Variants in WDR25 observed in about 807,000 individuals in gnomAD.
The protein encoded by WDR25 is WD repeat-containing protein 25.
In WDR25, 35 loss-of-function variants were observed where a neutral mutation model predicts 47.7. The ratio of observed to expected loss-of-function variants is 0.73; its 90% CI spans 0.56 to 0.97. The LOEUF is 0.97. WDR25 is among the 50% of genes least tolerant of loss of function. The pLI is 0.00. For missense variants in WDR25, 634 were observed against 704.7 expected, an observed-to-expected ratio of 0.90 and a Z score of 1.14; for synonymous variants, 248 against 278.9, an observed-to-expected ratio of 0.89 and a Z score of 1.10.
At chr14:100,405,991 C>G (rs955086256) in intron 2 of WDR25, among the ~76,000 whole-genome samples, 7 of 152,094 alleles carry the variant, frequency 4.6e-5, no homozygotes, top group African/African-American at 1.7e-4. Context: ...GGGTCCAGCT[C>G]AGAATGGAGG....
At chr14:100,471,117 G>C (rs534962343) in intron 3 of WDR25, among the ~76,000 whole-genome samples, 10 of 152,254 alleles carry the variant, frequency 6.6e-5, no homozygotes, top group African/African-American at 2.2e-4. Flanking sequence ...TTGGGGAAGC[G>C]CTGCACACAC....
intron 3 of WDR25, among the ~76,000 whole-genome samples, chr14:100,470,240 C>T (rs1421513584): frequency 6.6e-6 from 1 of 152,064 alleles, no homozygotes; most frequent in Admixed American, 6.5e-5. Context: ...TGCATGGAAA[C>T]CAAAGCAGGA....
chr14:100,495,819 C>G (rs1900711938), intron 4 of WDR25, among the ~76,000 whole-genome samples: 1 of 152,212 alleles, frequency 6.6e-6, no homozygotes, highest in Non-Finnish European at 1.5e-5. Context: ...CTTTTTATGA[C>G]CAAATAATAT....
intron 2 of WDR25, among the ~76,000 whole-genome samples, chr14:100,453,574 C>T (rs1356918981): frequency 6.6e-6 from 1 of 152,196 alleles, no homozygotes; most frequent in Non-Finnish European, 1.5e-5. Flanking sequence ...GATTATGATG[C>T]TTTCAAATGT....
At chr14:100,423,106 G>T (rs1230561958) in intron 2 of WDR25, among the ~76,000 whole-genome samples, 2 of 152,138 alleles carry the variant, frequency 1.3e-5, no homozygotes, top group African/African-American at 4.8e-5. Flanking sequence ...ATTTAAAAAT[G>T]CCCTGAAGCT....
At chr14:100,475,292 A>C (rs150204702) in intron 3 of WDR25, among the ~76,000 whole-genome samples, 2 of 152,334 alleles carry the variant, frequency 1.3e-5, no homozygotes, top group East Asian at 3.9e-4. Context: ...TCTCCAAAGG[A>C]ATTGAAATCG....
intron 4 of WDR25, among the ~76,000 whole-genome samples, chr14:100,511,692 T>C (rs1009588128): frequency 6.6e-6 from 1 of 152,194 alleles, no homozygotes; most frequent in Non-Finnish European, 1.5e-5. Flanking sequence ...TTTCTGATCA[T>C]AGAGGGAAAG....
intron 4 of WDR25, among the ~76,000 whole-genome samples, chr14:100,510,303 G>A (rs1179124122): frequency 6.6e-6 from 1 of 151,418 alleles, no homozygotes; most frequent in Non-Finnish European, 1.5e-5. Flanking sequence ...AGAGACAAGG[G>A]TTTCACTGTG....
In WDR25 at chr14:100,523,184, T is replaced by C. The variant is rs1186082116; in HGVS notation, c.1102-2686T>C. 1.3e-5 allele frequency among the ~76,000 whole-genome samples: 2 copies of C among 152,226 alleles called. No individual in the cohort carries two copies. The highest frequency in any genetic ancestry group is 2.9e-5 in the Non-Finnish European group (2 of 68,034). On this transcript the variant is annotated intron_variant, in intron 4 of 6. Transcript: ENST00000402312. This position sits in a 1 kb window ranked among gnomAD's most constrained non-coding sequence, Gnocchi z 4.7. ...ATTCATTTATGCATTTACTCACTTA[T>C]CCAGCATCAATTTGACACACCTTAC...
chr14:100,484,520 G>A (rs559948144), intron 4 of WDR25, among the ~76,000 whole-genome samples: 3 of 152,006 alleles, frequency 2.0e-5, no homozygotes, highest in South Asian at 2.1e-4. Context: ...GCATGCTTGC[G>A]AGAGGAAGGG....
At chr14:100,511,783 A>G (rs746660828) in intron 4 of WDR25, among the ~76,000 whole-genome samples, 1 of 152,108 alleles carries the variant, frequency 6.6e-6, no homozygotes, top group South Asian at 2.1e-4. Context: ...CCTTTTATTC[A>G]TAGTTTGCTG....
rs1254538174 is a variant in WDR25 at position 100,523,890 on chromosome 14, G to A, written c.1102-1980G>A. Among the ~76,000 whole-genome samples, 1 of 152,136 alleles carries A rather than the reference G, an allele frequency of 6.6e-6. No individual in the cohort carries two copies. Among genetic ancestry groups the A allele is most frequent in the Admixed American group, 6.5e-5 (1 of 15,274 alleles). ...CCATGCCAGCTGTTGGTGTAATTAAGGTTGCCATAAAACCCACCAGCTAGA... is the reference window on the plus strand; with the variant it reads ...CCATGCCAGCTGTTGGTGTAATTAAAGTTGCCATAAAACCCACCAGCTAGA... On this transcript the variant is annotated intron_variant, in intron 4 of 6. Coordinates refer to ENST00000402312, the MANE Select transcript of WDR25 (RefSeq NM_001161476.3). The surrounding 1 kb of genome is among the most constrained non-coding windows in gnomAD (Gnocchi z 4.7).
intron 4 of WDR25, among the ~76,000 whole-genome samples, chr14:100,501,508 G>A (rs750899727): frequency 5.3e-5 from 8 of 152,184 alleles, no homozygotes; most frequent in Non-Finnish European, 1.0e-4. Flanking sequence ...AACCCAGTGC[G>A]ATAACACCGG....
chr14:100,462,727 G>GT (rs1022390144), intron 2 of WDR25, among the ~76,000 whole-genome samples: 8 of 152,264 alleles, frequency 5.3e-5, no homozygotes, highest in African/African-American at 1.9e-4. Context: ...TAGAGTTCAA[G>GT]TTTTTTGTAA....
chr14:100,405,408 G>C (rs557229036), intron 2 of WDR25, among the ~76,000 whole-genome samples: 39 of 152,094 alleles, frequency 2.6e-4, no homozygotes, highest in Non-Finnish European at 5.3e-4. Flanking sequence ...TGATCCACCC[G>C]CCTCAGCCTC....
At chr14:100,524,639 C>T (rs932384271) in intron 4 of WDR25, among the ~76,000 whole-genome samples, 1 of 152,226 alleles carries the variant, frequency 6.6e-6, no homozygotes, top group East Asian at 1.9e-4. Flanking sequence ...CAGAGAAGAG[C>T]GGTCATCTGT....
intron 4 of WDR25, 111 bp downstream of exon 4, chr14:100,484,235 T>A: frequency 8.3e-7 from 1 of 1,207,714 alleles, no homozygotes; most frequent in Non-Finnish European, 1.1e-6. Flanking sequence ...GTGGAATAAT[T>A]ACCACTTAAT....
intron 2 of WDR25, among the ~76,000 whole-genome samples, chr14:100,459,449 T>C (rs1899304372): frequency 6.6e-6 from 1 of 152,182 alleles, no homozygotes; most frequent in Non-Finnish European, 1.5e-5. Flanking sequence ...TAAGAAATTA[T>C]ACCAATTTAT....
Position 100,464,499 on chromosome 14 carries a change from C to CT in WDR25, c.823-3521dup, listed in dbSNP as rs1899534702. On this transcript the variant is annotated intron_variant, in intron 2 of 6. Coordinates refer to ENST00000402312, the MANE Select transcript of WDR25 (RefSeq NM_001161476.3). ...TTGTTTCCTGTTACACAATGCCTGG[C>CT]TAATAGCAGGTCCTCAGGAAATCTT... 2.0e-5 allele frequency among the ~76,000 whole-genome samples: 3 copies of CT among 152,266 alleles called. No individual in the cohort carries two copies. In the South Asian group the frequency reaches 6.2e-4, roughly 32 times the overall value.
Sources: gnomAD v4.1 joint callset for allele counts (sites outside exome capture counted in the v4.1 genomes callset) on GRCh38, gnomAD v4.1.1 for gene constraint, Gnocchi (gnomAD v3.1) non-coding constraint, MANE v1.5 for transcripts, NCBI Gene and HGNC (gene_info 2026-07-23, HGNC 2026-07-21) for gene names.